SDK1: variants seen among roughly 807,000 people sequenced by gnomAD.
The protein encoded by SDK1 is protein sidekick-1.
In SDK1, 157 loss-of-function variants were observed where a neutral mutation model predicts 245.5. The ratio of observed to expected loss-of-function variants is 0.64; its 90% confidence interval spans 0.56 to 0.73. SDK1 has a LOEUF of 0.73. Ranked by LOEUF, SDK1 falls within the 30% of genes least tolerant of loss-of-function variation. The probability of loss-of-function intolerance (pLI) is 0.00; values close to 1 mark genes in which losing one functional copy is unlikely to be tolerated. For missense variants in SDK1, 3,583 were observed against 3,002.3 expected, an observed-to-expected ratio of 1.19 and a Z score of -4.52; for synonymous variants, 1,647 against 1,278.5, an observed-to-expected ratio of 1.29 and a Z score of -6.15.
At chr7:3,399,586 T>G (rs919678102) in intron 1 of SDK1, among the ~76,000 whole-genome samples, 11 of 152,168 alleles carry the variant, frequency 7.2e-5, no homozygotes, top group African/African-American at 2.4e-4. Context: ...TATCATCCTG[T>G]TGATAAGGCT....
intron 4 of SDK1, among the ~76,000 whole-genome samples, chr7:3,679,404 A>G (rs1784026794): frequency 6.6e-6 from 1 of 152,122 alleles, no homozygotes; most frequent in South Asian, 2.1e-4. Flanking sequence ...GTCTCTACTA[A>G]AAATACAAAA....
chr7:3,531,213 TTCACGTTTTTACTTGATCACA>T, intron 1 of SDK1, among the ~76,000 whole-genome samples: 1 of 152,194 alleles, frequency 6.6e-6, no homozygotes, highest in Non-Finnish European at 1.5e-5. Flanking sequence ...TTTTGATAAG[TTCACGTTTTTACTTGATCACA>T]TCGAGCATAT....
chr7:4,118,016 G>A (rs1011684796), intron 25 of SDK1, among the ~76,000 whole-genome samples: 1 of 152,068 alleles, frequency 6.6e-6, no homozygotes, highest in African/African-American at 2.4e-5. Flanking sequence ...GGAACTCCCA[G>A]AACAGAAATT....
intron 1 of SDK1, among the ~76,000 whole-genome samples, chr7:3,340,250 G>A (rs1216637328): frequency 6.6e-6 from 1 of 151,998 alleles, no homozygotes; most frequent in African/African-American, 2.4e-5. Flanking sequence ...ACCAAATATG[G>A]CAATAAAAGG....
At chr7:3,981,128 T>C (rs1783369202) in intron 13 of SDK1, among the ~76,000 whole-genome samples, 1 of 152,210 alleles carries the variant, frequency 6.6e-6, no homozygotes, top group Non-Finnish European at 1.5e-5. Flanking sequence ...TTAGTGTCTC[T>C]GGTCACATTT....
At position 4,221,408 on chromosome 7, in the gene SDK1, G is replaced by A. The variant is rs776531805; in HGVS notation, c.5827+44G>A. The A allele has an allele frequency of 2.6e-5, 41 of 1,562,122 alleles. No homozygotes were observed. The Middle Eastern group carries it at 1.3e-3, about 48-fold the overall frequency. On this transcript the variant is annotated intron_variant, in intron 40 of 44. Coordinates refer to ENST00000404826, the MANE Select transcript of SDK1 (RefSeq NM_152744.4). ...CAAACGGGGTCTCAGCCCAGCGGACGGCAGTGCTTCTAAGACTGTGTCGGG... is the reference window on the plus strand; with the variant it reads ...CAAACGGGGTCTCAGCCCAGCGGACAGCAGTGCTTCTAAGACTGTGTCGGG...
intron 1 of SDK1, among the ~76,000 whole-genome samples, chr7:3,455,891 A>T (rs1780650318): frequency 6.6e-6 from 1 of 152,214 alleles, no homozygotes; most frequent in Non-Finnish European, 1.5e-5. Context: ...CTATAAGGTG[A>T]CATTCTATGC....
chr7:4,040,083 C>G (rs766926300), intron 17 of SDK1, among the ~76,000 whole-genome samples: 4 of 152,168 alleles, frequency 2.6e-5, no homozygotes, highest in Admixed American at 2.6e-4. Flanking sequence ...TATTGAATGT[C>G]AAGTGGTGAG....
chr7:4,208,413 G>C, intron 37 of SDK1, 128 bp downstream of exon 37: 1 of 788,528 alleles, frequency 1.3e-6, no homozygotes, highest in Non-Finnish European at 2.0e-6. Flanking sequence ...TTGAGTAGCT[G>C]GGAGTTTCTG....
chr7:3,406,354 T>G (rs966427097), intron 1 of SDK1, among the ~76,000 whole-genome samples: 3 of 152,210 alleles, frequency 2.0e-5, no homozygotes, highest in Non-Finnish European at 4.4e-5. Context: ...GCCCTAGATT[T>G]ACCCTTAAGT....
intron 19 of SDK1, among the ~76,000 whole-genome samples, chr7:4,056,781 C>A (rs577762163): frequency 2.6e-5 from 4 of 152,284 alleles, no homozygotes; most frequent in Admixed American, 1.3e-4. Context: ...CTCAAAGAGC[C>A]CAGCCCCACC....
At chr7:4,129,860 T>A in intron 26 of SDK1, 48 bp from the exon 27 acceptor site, 1 of 1,607,974 alleles carries the variant, frequency 6.2e-7, no homozygotes, top group South Asian at 1.1e-5. Context: ...CGGCGGTCCC[T>A]CCTGGCACCC....
intron 4 of SDK1, among the ~76,000 whole-genome samples, chr7:3,762,102 A>T (rs1474441590): frequency 6.6e-6 from 1 of 152,236 alleles, no homozygotes; most frequent in East Asian, 1.9e-4. Flanking sequence ...ACACTGAATG[A>T]TTCAGGAATG....
intron 1 of SDK1, among the ~76,000 whole-genome samples, chr7:3,345,933 C>T (rs1200224279): frequency 6.6e-6 from 1 of 152,182 alleles, no homozygotes; most frequent in East Asian, 1.9e-4. Flanking sequence ...TCATCACCCA[C>T]TGCAGTTATT....
intron 1 of SDK1, among the ~76,000 whole-genome samples, chr7:3,556,381 T>A (rs1779588253): frequency 6.6e-6 from 1 of 151,824 alleles, no homozygotes; most frequent in East Asian, 1.9e-4. Flanking sequence ...AGATAAAGGG[T>A]AGAATGGTTC....
At chr7:3,772,053 C>T (rs550284785) in intron 4 of SDK1, among the ~76,000 whole-genome samples, 18 of 152,258 alleles carry the variant, frequency 1.2e-4, no homozygotes, top group African/African-American at 4.3e-4. Flanking sequence ...ATGTAATGTC[C>T]TCAAAATTTG....
chr7:3,671,053 T>C (rs1355311620), intron 4 of SDK1, among the ~76,000 whole-genome samples: 1 of 152,228 alleles, frequency 6.6e-6, no homozygotes, highest in East Asian at 1.9e-4. Flanking sequence ...GTTTCTCCTA[T>C]TGGGCTCTAG....
chr7:3,624,745 A>C (rs1198698698), intron 2 of SDK1, among the ~76,000 whole-genome samples: 1 of 152,090 alleles, frequency 6.6e-6, no homozygotes, highest in African/African-American at 2.4e-5. Context: ...CATTATATTT[A>C]TAAAAAATAT....
intron 22 of SDK1, among the ~76,000 whole-genome samples, chr7:4,104,468 C>T (rs1782776087): frequency 6.6e-6 from 1 of 152,194 alleles, no homozygotes; most frequent in South Asian, 2.1e-4. Context: ...TTGGATGCTA[C>T]CTCATAGAAG....
Sources: allele counts gnomAD v4.1 joint callset (sites outside exome capture counted in the v4.1 genomes callset), GRCh38; gene constraint gnomAD v4.1.1; transcripts MANE v1.5; gene names NCBI Gene and HGNC (gene_info 2026-07-23, HGNC 2026-07-21).